TCF20: variants seen among roughly 807,000 people sequenced by gnomAD.
TCF20 encodes SPRE-binding protein.
Under a neutral mutation model 148.6 loss-of-function variants are expected in TCF20, and 3 were observed. That is an observed-to-expected ratio of 0.02 (90% CI 0.01 to 0.05). TCF20 has a LOEUF of 0.05. TCF20 is among the 10% of genes least tolerant of loss of function. TCF20 has a pLI of 1.00. For synonymous variants in TCF20, 1,049 were observed against 909.5 expected, an observed-to-expected ratio of 1.15 and a Z score of -2.76; for missense variants, 2,350 against 2,429.3, an observed-to-expected ratio of 0.97 and a Z score of 0.69.
chr22:42,295,654 A>T (rs1393000780), intron 1 of TCF20, among the ~76,000 whole-genome samples: 1 of 151,990 alleles, frequency 6.6e-6, no homozygotes, highest in African/African-American at 2.4e-5. Context: ...TGTTGAGGCT[A>T]GTCTCGAACT....
chr22:42,300,867 G>A (rs1349068665), intron 1 of TCF20, among the ~76,000 whole-genome samples: 2 of 151,664 alleles, frequency 1.3e-5, no homozygotes, highest in African/African-American at 2.4e-5. Context: ...CCCCTCCCCC[G>A]AGCCCCACCT....
intron 1 of TCF20, among the ~76,000 whole-genome samples, chr22:42,269,088 A>G (rs1357775434): frequency 6.6e-5 from 10 of 152,218 alleles, no homozygotes; most frequent in Non-Finnish European, 1.5e-5. Context: ...CAAAGCTGTA[A>G]GCAGATTCCT....
At chr22:42,255,211 G>T (rs949106760) in intron 1 of TCF20, among the ~76,000 whole-genome samples, 3 of 151,976 alleles carry the variant, frequency 2.0e-5, no homozygotes, top group African/African-American at 7.3e-5. Context: ...ATGTTGGCTG[G>T]GCATGGTGCT....
chr22:42,203,653 T>C (rs1601579701), intron 2 of TCF20, among the ~76,000 whole-genome samples: 1 of 152,190 alleles, frequency 6.6e-6, no homozygotes, highest in East Asian at 1.9e-4. Flanking sequence ...CTCTGCTATA[T>C]ACTGAAAGCC....
At chr22:42,232,454 G>C (rs1182967731) in intron 1 of TCF20, among the ~76,000 whole-genome samples, 1 of 151,966 alleles carries the variant, frequency 6.6e-6, no homozygotes, top group Non-Finnish European at 1.5e-5. Flanking sequence ...ATGAAAATTA[G>C]AAAGACGACT....
At chr22:42,342,767 G>A (rs1000143317) in intron 1 of TCF20, among the ~76,000 whole-genome samples, 3 of 152,170 alleles carry the variant, frequency 2.0e-5, no homozygotes, top group Admixed American at 2.0e-4. Flanking sequence ...CCTCCCTCTA[G>A]GCCCTGGACC....
intron 2 of TCF20, among the ~76,000 whole-genome samples, chr22:42,206,381 C>A (rs1229107826): frequency 6.6e-6 from 1 of 152,020 alleles, no homozygotes; most frequent in Non-Finnish European, 1.5e-5. Flanking sequence ...CATGGTGAAA[C>A]CCCACAACAA....
intron 1 of TCF20, among the ~76,000 whole-genome samples, chr22:42,304,653 G>T (rs141743460): frequency 6.6e-6 from 1 of 152,172 alleles, no homozygotes; most frequent in Non-Finnish European, 1.5e-5. Flanking sequence ...AACCCTATGA[G>T]GTGGGCAGAA....
At chr22:42,240,511 A>C (rs1924298423) in intron 1 of TCF20, among the ~76,000 whole-genome samples, 2 of 152,224 alleles carry the variant, frequency 1.3e-5, no homozygotes, top group Non-Finnish European at 2.9e-5. Flanking sequence ...ACTGGATACA[A>C]TATATATACA....
rs961151448 is a variant in TCF20, at chr22:42,317,081, C to A, written c.-37+26398G>T. 2.0e-4 allele frequency among the ~76,000 whole-genome samples: 30 copies of A among 152,228 alleles called. No homozygotes were observed. The highest frequency in any genetic ancestry group is 7.0e-4 in the African/African-American group (29 of 41,454). ...ACTCTTCCCAGACACCCCAAATCCC[C>A]CAAAGAGCACTGGCAACACTATCCG... On this transcript the variant is annotated intron_variant, in intron 1 of 1. Coordinates refer to the TCF20 transcript ENST00000515426. The surrounding 1 kb of genome is among the most constrained non-coding windows in gnomAD (Gnocchi z 4.2).
intron 1 of TCF20, among the ~76,000 whole-genome samples, chr22:42,215,763 G>A (rs1468702116): frequency 6.6e-6 from 1 of 152,002 alleles, no homozygotes; most frequent in Non-Finnish European, 1.5e-5. Flanking sequence ...GAGCCACCAC[G>A]CCTGACCTTG....
chr22:42,168,484 C>T, intron 5 of TCF20, 125 bp downstream of exon 5: 1 of 1,372,618 alleles, frequency 7.3e-7, no homozygotes. Context: ...ACACTGCATC[C>T]ACCTGGCGTT....
At chr22:42,256,300 T>C (rs909390225) in intron 1 of TCF20, among the ~76,000 whole-genome samples, 5 of 152,192 alleles carry the variant, frequency 3.3e-5, no homozygotes, top group African/African-American at 1.2e-4. Context: ...TATTTGATTT[T>C]TGTGTGTGTG....
intron 3 of TCF20, among the ~76,000 whole-genome samples, chr22:42,178,154 C>T (rs1025394666): frequency 2.0e-5 from 3 of 152,170 alleles, no homozygotes; most frequent in Admixed American, 6.5e-5. Context: ...AGAGCATGGA[C>T]GCTCCATGCC....
intron 1 of TCF20, among the ~76,000 whole-genome samples, chr22:42,305,781 T>A (rs1927420381): frequency 6.6e-6 from 1 of 151,796 alleles, no homozygotes; most frequent in Non-Finnish European, 1.5e-5. Context: ...GGCTGGGAGA[T>A]CCCTGGACCT....
chr22:42,313,826 C>T (rs1285807190), intron 1 of TCF20, among the ~76,000 whole-genome samples: 1 of 152,158 alleles, frequency 6.6e-6, no homozygotes, highest in African/African-American at 2.4e-5. Context: ...TCTCAAACTC[C>T]TGACTTCAAG....
intron 1 of TCF20, among the ~76,000 whole-genome samples, chr22:42,333,036 C>A (rs1332185051): frequency 2.0e-5 from 3 of 152,228 alleles, no homozygotes; most frequent in African/African-American, 7.2e-5. Flanking sequence ...GAAGTGTGCA[C>A]TTTTCTGTAT....
chr22:42,208,226 C>T (rs1238967706), intron 2 of TCF20, among the ~76,000 whole-genome samples: 1 of 151,738 alleles, frequency 6.6e-6, no homozygotes, highest in Non-Finnish European at 1.5e-5. Flanking sequence ...GCAAGAGAAA[C>T]GATTATAGCC....
At chr22:42,323,374 G>C (rs1368848470) in intron 1 of TCF20, among the ~76,000 whole-genome samples, 2 of 151,836 alleles carry the variant, frequency 1.3e-5, no homozygotes, top group African/African-American at 2.4e-5. Context: ...CATTCAGACA[G>C]CAGCGACTGG....
Sources: allele counts gnomAD v4.1 joint callset (sites outside exome capture counted in the v4.1 genomes callset), GRCh38; gene constraint gnomAD v4.1.1; non-coding constraint Gnocchi (gnomAD v3.1); transcripts MANE v1.5; gene names NCBI Gene and HGNC (gene_info 2026-07-23, HGNC 2026-07-21).